Variants in BCAS3 observed in about 807,000 individuals in gnomAD.
BCAS3 encodes BCAS4/BCAS3 fusion.
Under a neutral mutation model 116.1 loss-of-function variants are expected in BCAS3, and 53 were observed. That is an observed-to-expected ratio of 0.46 (90% CI 0.37 to 0.57). The LOEUF (loss-of-function observed/expected upper bound fraction) is 0.57. BCAS3 is among the 20% of genes least tolerant of loss of function. The pLI, the probability that BCAS3 is intolerant of heterozygous loss-of-function variation, is 0.00. For missense variants in BCAS3, 917 were observed against 1,165.4 expected (o/e 0.79, Z 3.10); for synonymous variants, 391 against 408.2 (o/e 0.96, Z 0.51).
chr17:60,832,238 G>A (rs557271655), intron 7 of BCAS3, among the ~76,000 whole-genome samples: 1 of 152,300 alleles, frequency 6.6e-6, no homozygotes, highest in African/African-American at 2.4e-5. Flanking sequence ...CCAGTGAATA[G>A]AGAGGAAATT....
Position 60,767,506 on chromosome 17 carries a change from G to A in BCAS3, c.403+20227G>A, listed in dbSNP as rs140346289. Among the ~76,000 whole-genome samples the A allele has an allele frequency of 8.8e-4, 133 of 151,686 alleles. 1 individual carries two copies. In the East Asian group the frequency reaches 0.013, roughly 15 times the overall value. ...ACTACAGGCATACACCACCACTCCCGGCTAATTTTTTTGTATTTTTATTAG... is the reference window on the plus strand; with the variant it reads ...ACTACAGGCATACACCACCACTCCCAGCTAATTTTTTTGTATTTTTATTAG... On this transcript the variant is annotated intron_variant, in intron 6 of 23. Coordinates refer to ENST00000407086, the MANE Select transcript of BCAS3 (RefSeq NM_017679.5).
At chr17:60,974,989 T>TTG (rs1568007150) in intron 14 of BCAS3, among the ~76,000 whole-genome samples, 1 of 136,932 alleles carries the variant, frequency 7.3e-6, no homozygotes, top group African/African-American at 3.7e-5. Context: ...TTTGTTTTTT[T>TTG]TGCTTTTTTG....
chr17:61,235,764 G>A lies in BCAS3; in HGVS notation c.2426-132563G>A, dbSNP rs2083001763. 6.6e-6 allele frequency among the ~76,000 whole-genome samples: 1 copy of A among 151,904 alleles called. No individual in the cohort carries two copies. Among genetic ancestry groups the A allele is most frequent in the African/African-American group, 2.4e-5 (1 of 41,376 alleles). On this transcript the variant is annotated intron_variant, in intron 22 of 23. Transcript: ENST00000407086. This position sits in a 1 kb window ranked among gnomAD's most constrained non-coding sequence, Gnocchi z 5.0. ...AGGGAAAAAAATGGTTAGGGAGGCT[G>A]CAAAAGAGATGTGGAGACTGGGGGA...
chr17:61,371,990 T>C (rs2071441930), intron 23 of BCAS3, among the ~76,000 whole-genome samples: 1 of 152,276 alleles, frequency 6.6e-6, no homozygotes, highest in Non-Finnish European at 1.5e-5. Context: ...CTAAGACAAC[T>C]GGCTGAACTG....
intron 22 of BCAS3, among the ~76,000 whole-genome samples, chr17:61,225,777 G>A (rs1259767758): frequency 6.6e-6 from 1 of 152,126 alleles, no homozygotes; most frequent in Non-Finnish European, 1.5e-5. Flanking sequence ...TGATGCACGT[G>A]TAATCAGTTT....
chr17:61,390,734 T>A lies in BCAS3; in HGVS notation c.2594-1243T>A, dbSNP rs2060090056. On this transcript the variant is annotated intron_variant, in intron 23 of 23. Coordinates refer to ENST00000407086, the MANE Select transcript of BCAS3 (RefSeq NM_017679.5). This position sits in a 1 kb window ranked among gnomAD's most constrained non-coding sequence, Gnocchi z 6.8. ...TAACCAGAGCCGGCTGTACTGCGCG[T>A]GTGGTGGCAGGGGGCCTGGGAGCGG... 6.6e-6 allele frequency: 1 copy of A among 152,240 alleles called. No homozygotes were observed. Among genetic ancestry groups the A allele is most frequent in the African/African-American group, 2.4e-5 (1 of 41,380 alleles). The allele number at this position is 152,240 out of a possible 1,614,324, so 9.4% of individuals were successfully genotyped here.
At chr17:60,989,852 T>A in intron 14 of BCAS3, 119 bp from the exon 15 acceptor site, 3 of 1,101,798 alleles carry the variant, frequency 2.7e-6, no homozygotes, top group Non-Finnish European at 4.0e-6. Flanking sequence ...TATTACCTGA[T>A]CTTAGGTACA....
At position 60,945,334 on chromosome 17, in the gene BCAS3, C is replaced by T. The variant is rs554813084; in HGVS notation, c.1088-1885C>T. 2.0e-4 allele frequency among the ~76,000 whole-genome samples: 30 copies of T among 152,228 alleles called. No individual in the cohort carries two copies. In the South Asian group the frequency reaches 6.2e-3, roughly 32 times the overall value. The stretch of plus-strand genomic sequence containing the variant: ...GTTGTCCCCAAATTAATTTATTACA[C>T]TCAATACAGTTCCCTCAAAATCCTA... On this transcript the variant is annotated intron_variant, in intron 13 of 23. Transcript: ENST00000407086.
chr17:60,984,277 A>T (rs1172085366), intron 14 of BCAS3, among the ~76,000 whole-genome samples: 2 of 152,196 alleles, frequency 1.3e-5, no homozygotes, highest in African/African-American at 4.8e-5. Flanking sequence ...TATTTAAAAG[A>T]TTCCAGGCTC....
intron 22 of BCAS3, among the ~76,000 whole-genome samples, chr17:61,275,185 T>TA (rs1297138759): frequency 1.3e-5 from 2 of 152,120 alleles, no homozygotes; most frequent in Non-Finnish European, 2.9e-5. Context: ...CTGGAACTAA[T>TA]AAGAAGTTTA....
intron 22 of BCAS3, among the ~76,000 whole-genome samples, chr17:61,133,951 T>A (rs1372237288): frequency 6.6e-6 from 1 of 151,650 alleles, no homozygotes; most frequent in Non-Finnish European, 1.5e-5. Context: ...GCAAACATAC[T>A]TAGCATGTGA....
At chr17:60,838,813 G>A (rs1387261516) in intron 7 of BCAS3, among the ~76,000 whole-genome samples, 1 of 152,130 alleles carries the variant, frequency 6.6e-6, no homozygotes, top group Non-Finnish European at 1.5e-5. Context: ...GGTTTTTGTT[G>A]TTTTTATTAC....
intron 6 of BCAS3, among the ~76,000 whole-genome samples, chr17:60,772,805 G>A (rs1343051364): frequency 6.6e-6 from 1 of 152,040 alleles, no homozygotes; most frequent in East Asian, 1.9e-4. Context: ...CCTGGGAGGT[G>A]GAAGTTGCAG....
intron 15 of BCAS3, among the ~76,000 whole-genome samples, chr17:60,998,147 G>A (rs2063970166): frequency 6.6e-6 from 1 of 152,148 alleles, no homozygotes; most frequent in South Asian, 2.1e-4. Context: ...ACCTCCAGCA[G>A]CACCTATGTT....
In BCAS3 at chr17:61,280,153, AG is replaced by A. The variant is rs201616217; in HGVS notation, c.2426-88172del. 3.0e-4 allele frequency among the ~76,000 whole-genome samples: 46 copies of A among 152,320 alleles called. 1 individual carries two copies. The East Asian group carries it at 8.9e-3, about 29-fold the overall frequency. ...CTCGAAGACCCTGGTGCCCAGAGAG[AG>A]GAAGTATTATGCCAAAGTTACCCAC... On this transcript the variant is annotated intron_variant, in intron 22 of 23. Coordinates refer to ENST00000407086, the MANE Select transcript of BCAS3 (RefSeq NM_017679.5).
intron 14 of BCAS3, among the ~76,000 whole-genome samples, chr17:60,948,572 C>T (rs886259394): frequency 6.6e-6 from 1 of 152,144 alleles, no homozygotes; most frequent in Non-Finnish European, 1.5e-5. Flanking sequence ...AGCCATTTGA[C>T]CCTACTCTAT....
rs962717666 is a variant in BCAS3, at chr17:61,354,661, T to C, written c.2426-13666T>C. ...GATGGGAGGCCAGGCCCAGATCTTC[T>C]TCCCAAGGACCCTGCACCTGAAAAT... On this transcript the variant is annotated intron_variant, in intron 22 of 23. Transcript: ENST00000407086. This position sits in a 1 kb window ranked among gnomAD's most constrained non-coding sequence, Gnocchi z 4.5. 1.3e-5 allele frequency: 2 copies of C among 152,238 alleles called. No homozygotes were observed. The highest frequency in any genetic ancestry group is 2.9e-5 in the Non-Finnish European group (2 of 68,044). The allele number at this position is 152,238 out of a possible 1,614,324, so 9.4% of individuals were successfully genotyped here. A position where few individuals can be genotyped will look rare whatever the true frequency, so the allele number is the denominator to read the frequency against.
intron 4 of BCAS3, among the ~76,000 whole-genome samples, chr17:60,703,089 A>G (rs1342543335): frequency 6.6e-6 from 1 of 151,432 alleles, no homozygotes; most frequent in Non-Finnish European, 1.5e-5. Flanking sequence ...AGCCTGGCCA[A>G]CATGGTGAAA....
At chr17:61,085,488 A>G (rs1184010526) in intron 22 of BCAS3, among the ~76,000 whole-genome samples, 2 of 152,224 alleles carry the variant, frequency 1.3e-5, no homozygotes, top group African/African-American at 2.4e-5. Flanking sequence ...TAAAAAGACC[A>G]AAGTTTCTGT....
Sources: allele counts gnomAD v4.1 joint callset (sites outside exome capture counted in the v4.1 genomes callset), GRCh38; gene constraint gnomAD v4.1.1; non-coding constraint Gnocchi (gnomAD v3.1); transcripts MANE v1.5; gene names NCBI Gene and HGNC (gene_info 2026-07-23, HGNC 2026-07-21).